Variants in ZBTB20 observed in about 807,000 individuals in gnomAD.
The protein encoded by ZBTB20 is zinc finger and BTB domain-containing protein 20.
ZBTB20 carries 9 observed loss-of-function variants against 56.9 expected under a neutral mutation model. The observed-to-expected ratio is 0.16, with a 90% confidence interval of 0.10 to 0.28. The LOEUF is 0.28. Ranked by LOEUF, ZBTB20 falls within the 10% of genes least tolerant of loss-of-function variation. The pLI is 1.00. For synonymous variants in ZBTB20, 417 were observed against 420.7 expected, an observed-to-expected ratio of 0.99 and a Z score of 0.11; for missense variants, 655 against 1,003.0, an observed-to-expected ratio of 0.65 and a Z score of 4.69.
At chr3:114,341,622 T>C (rs1400601605) in intron 11 of ZBTB20, among the ~76,000 whole-genome samples, 2 of 152,260 alleles carry the variant, frequency 1.3e-5, no homozygotes, top group Non-Finnish European at 1.5e-5. Context: ...AATCTGTCTA[T>C]AAATTGATTC....
chr3:115,052,636 T>C (rs903129205), intron 2 of ZBTB20, among the ~76,000 whole-genome samples: 4 of 152,314 alleles, frequency 2.6e-5, no homozygotes, highest in African/African-American at 4.8e-5. Context: ...CAAGTTTTCA[T>C]TCCTATCACT....
At chr3:114,853,604 C>T (rs943573993) in intron 4 of ZBTB20, among the ~76,000 whole-genome samples, 1 of 152,164 alleles carries the variant, frequency 6.6e-6, no homozygotes, top group Non-Finnish European at 1.5e-5. Context: ...TGTAAGGTGT[C>T]CTGTTGTAAG....
chr3:114,424,839 G>T (rs1004155005), intron 7 of ZBTB20, among the ~76,000 whole-genome samples: 7 of 152,180 alleles, frequency 4.6e-5, no homozygotes. Context: ...TCCTTTTACT[G>T]TCATTCTGAA....
At chr3:114,924,784 T>C (rs966487046) in intron 3 of ZBTB20, among the ~76,000 whole-genome samples, 3 of 152,118 alleles carry the variant, frequency 2.0e-5, no homozygotes, top group African/African-American at 7.2e-5. Context: ...AAAATTGTAC[T>C]TCCGGTTTTT....
At chr3:114,442,526 C>T (rs922967046) in intron 7 of ZBTB20, among the ~76,000 whole-genome samples, 16 of 152,136 alleles carry the variant, frequency 1.1e-4, no homozygotes, top group Admixed American at 7.2e-4. Flanking sequence ...TCTCTTGATG[C>T]CAACACCATT....
chr3:114,917,386 AG>A lies in ZBTB20; in HGVS notation c.-455-17045del, dbSNP rs1462056352. Reference sequence around the variant, plus strand: ...GGTGCCTTATTTAGATTGCTTGATGAGGTCATGTCTTCCTGGATGGTCTTGA... The same window carrying A: ...GGTGCCTTATTTAGATTGCTTGATGAGTCATGTCTTCCTGGATGGTCTTGA... On this transcript the variant is annotated intron_variant, in intron 3 of 11. Transcript: ENST00000675478. 2.6e-5 allele frequency among the ~76,000 whole-genome samples: 4 copies of A among 152,124 alleles called. No homozygotes were observed. In the East Asian group the frequency reaches 5.8e-4, roughly 22 times the overall value.
At chr3:114,379,852 C>T (rs1404866612) in intron 10 of ZBTB20, among the ~76,000 whole-genome samples, 1 of 152,202 alleles carries the variant, frequency 6.6e-6, no homozygotes. Context: ...TTGTGTCTAA[C>T]TGGCCTTCTG....
Position 114,431,099 on chromosome 3 carries a change from G to A in ZBTB20, c.-254-41994C>T, listed in dbSNP as rs144566033. Among the ~76,000 whole-genome samples, 550 of 152,226 alleles carry A rather than the reference G, an allele frequency of 3.6e-3. 1 individual carries two copies. The highest frequency in any genetic ancestry group is 6.9e-3 in the Admixed American group (106 of 15,292). ...ACCCCAGTTCACGTTCTAGTTTCAC[G>A]CGGGATAGGAAAAGAAAACGAAAAA... On this transcript the variant is annotated intron_variant, in intron 7 of 11. Transcript: ENST00000675478.
intron 2 of ZBTB20, among the ~76,000 whole-genome samples, chr3:115,051,186 T>C (rs546785733): frequency 3.3e-5 from 5 of 152,230 alleles, no homozygotes; most frequent in African/African-American, 7.2e-5. Context: ...AGTCCTACTA[T>C]ATTTTGGGTA....
intron 6 of ZBTB20, among the ~76,000 whole-genome samples, chr3:114,678,645 T>C (rs556736238): frequency 6.6e-6 from 1 of 152,286 alleles, no homozygotes; most frequent in South Asian, 2.1e-4. Flanking sequence ...AGACTTTCAA[T>C]GAAAGAAAAT....
chr3:114,900,986 G>T (rs9832105), intron 3 of ZBTB20, among the ~76,000 whole-genome samples: 2 of 152,160 alleles, frequency 1.3e-5, no homozygotes, highest in Non-Finnish European at 2.9e-5. Flanking sequence ...TATTGATACA[G>T]AAGACTATGT....
intron 2 of ZBTB20, among the ~76,000 whole-genome samples, chr3:115,041,091 G>A (rs2081123128): frequency 6.6e-6 from 1 of 152,128 alleles, no homozygotes; most frequent in Non-Finnish European, 1.5e-5. Context: ...GGCAGTTGAG[G>A]ATTATAAAAA....
intron 2 of ZBTB20, among the ~76,000 whole-genome samples, chr3:115,023,148 G>T (rs1262193482): frequency 6.6e-6 from 1 of 150,934 alleles, no homozygotes; most frequent in Non-Finnish European, 1.5e-5. Flanking sequence ...CAGTTAAATT[G>T]TGCCTAGAAG....
chr3:114,480,869 TATC>T (rs1278110033), intron 7 of ZBTB20, among the ~76,000 whole-genome samples: 1 of 152,104 alleles, frequency 6.6e-6, no homozygotes, highest in Non-Finnish European at 1.5e-5. Context: ...TCTGTAATAT[TATC>T]ATTTTCCATT....
chr3:114,704,995 A>G (rs984837132), intron 5 of ZBTB20, among the ~76,000 whole-genome samples: 2 of 152,172 alleles, frequency 1.3e-5, no homozygotes, highest in Non-Finnish European at 2.9e-5. Flanking sequence ...TATATGTACT[A>G]TACCATTTAA....
At chr3:114,967,842 A>G (rs7610278) in intron 3 of ZBTB20, among the ~76,000 whole-genome samples, 13,979 of 151,924 alleles carry the variant, frequency 0.092, 1,891 homozygotes, top group African/African-American at 0.3. Context: ...CTATAATCCC[A>G]GCTACTCAGG....
At chr3:114,909,359 CTAAG>C (rs2075439275) in intron 3 of ZBTB20, among the ~76,000 whole-genome samples, 1 of 151,946 alleles carries the variant, frequency 6.6e-6, no homozygotes, top group Admixed American at 6.6e-5. Flanking sequence ...GAGCTTTAAA[CTAAG>C]TGTTATTACA....
chr3:115,094,546 T>C (rs1241173942), intron 1 of ZBTB20, among the ~76,000 whole-genome samples: 1 of 151,676 alleles, frequency 6.6e-6, no homozygotes, highest in Non-Finnish European at 1.5e-5. Context: ...TAATAGCTTT[T>C]TTTTTTTTTT....
chr3:114,932,854 T>C (rs999616609), intron 3 of ZBTB20, among the ~76,000 whole-genome samples: 1 of 152,244 alleles, frequency 6.6e-6, no homozygotes, highest in African/African-American at 2.4e-5. Flanking sequence ...CACTCTTGAA[T>C]CTGCACTGAC....
Sources: gnomAD v4.1 joint callset for allele counts (sites outside exome capture counted in the v4.1 genomes callset) on GRCh38, gnomAD v4.1.1 for gene constraint, MANE v1.5 for transcripts, NCBI Gene and HGNC (gene_info 2026-07-23, HGNC 2026-07-21) for gene names.